ROR2: variants seen among roughly 807,000 people sequenced by gnomAD.
ROR2 encodes ROR family WNT receptor 2.
In ROR2, 33 loss-of-function variants were observed where a neutral mutation model predicts 74.9. The observed-to-expected ratio is 0.44, with a 90% CI of 0.33 to 0.59. The LOEUF is 0.59. ROR2 is among the 20% of genes least tolerant of loss of function. ROR2 has a pLI of 0.02. For synonymous variants in ROR2, 586 were observed against 558.7 expected (o/e 1.05, Z -0.69); for missense variants, 1,216 against 1,313.8 (o/e 0.93, Z 1.15).
intron 2 of ROR2, among the ~76,000 whole-genome samples, chr9:91,764,452 T>G (rs1826001132): frequency 6.6e-6 from 1 of 152,134 alleles, no homozygotes; most frequent in Non-Finnish European, 1.5e-5. Context: ...TCTGCTTATT[T>G]GAAAGTTATA....
At chr9:91,936,947 G>A (rs1831712251) in intron 1 of ROR2, among the ~76,000 whole-genome samples, 2 of 146,478 alleles carry the variant, frequency 1.4e-5, no homozygotes, top group Non-Finnish European at 3.0e-5. Context: ...GGGGAATGGC[G>A]TGAACCCGGG....
At chr9:91,839,731 G>T (rs1273312563) in intron 1 of ROR2, among the ~76,000 whole-genome samples, 1 of 151,742 alleles carries the variant, frequency 6.6e-6, no homozygotes, top group Non-Finnish European at 1.5e-5. Flanking sequence ...TGTGTGGTGT[G>T]TGTGGTATGT....
At chr9:91,882,987 A>C (rs886421903) in intron 1 of ROR2, among the ~76,000 whole-genome samples, 9 of 152,192 alleles carry the variant, frequency 5.9e-5, no homozygotes, top group Non-Finnish European at 1.3e-4. Flanking sequence ...CTACAGGTTG[A>C]ATATTTCTAA....
intron 1 of ROR2, among the ~76,000 whole-genome samples, chr9:91,819,385 C>T (rs1462354272): frequency 1.3e-5 from 2 of 152,246 alleles, no homozygotes; most frequent in South Asian, 2.1e-4. Flanking sequence ...ATGTCTGTGA[C>T]GATGCACGTG....
chr9:91,805,178 C>A (rs1322889379), intron 1 of ROR2, among the ~76,000 whole-genome samples: 1 of 152,212 alleles, frequency 6.6e-6, no homozygotes, highest in Non-Finnish European at 1.5e-5. Flanking sequence ...CATGCAGAAG[C>A]CTCTGGTGCC....
rs538540562 is a variant in ROR2 at position 91,911,398 on chromosome 9, CTG to C, written c.97+38467_97+38468del. On this transcript the variant is annotated intron_variant, in intron 1 of 8. Coordinates refer to ENST00000375708, the MANE Select transcript of ROR2 (RefSeq NM_004560.4). ...ACTGAATACTGTAGGCATTGCAACA[CTG>C]TGTATCTGTGTATCTAAACATCTAA... Among the ~76,000 whole-genome samples the C allele has an allele frequency of 7.9e-5, 12 of 152,316 alleles. No homozygotes were observed. The South Asian group carries it at 2.5e-3, about 32-fold the overall frequency.
At chr9:91,747,590 G>C (rs1825464945) in intron 4 of ROR2, among the ~76,000 whole-genome samples, 2 of 152,244 alleles carry the variant, frequency 1.3e-5, no homozygotes, top group South Asian at 4.1e-4. Context: ...GCGAACTGTT[G>C]TGCATTTTCT....
At chr9:91,927,562 C>CTTGTTTTTTTTTTTTTTT (rs1831440398) in intron 1 of ROR2, among the ~76,000 whole-genome samples, 1 of 94,944 alleles carries the variant, frequency 1.1e-5, no homozygotes, top group Non-Finnish European at 2.0e-5. Flanking sequence ...TTTCTAGATT[C>CTTGTTTTTTTTTTTTTTT]TTTTTTTTTT....
intron 1 of ROR2, among the ~76,000 whole-genome samples, chr9:91,932,651 G>A (rs1406607055): frequency 4.0e-5 from 6 of 150,178 alleles, no homozygotes; most frequent in African/African-American, 7.3e-5. Context: ...GCAACTGAGC[G>A]AGACTGTCTC....
chr9:91,782,325 C>G (rs2118964548), intron 1 of ROR2, among the ~76,000 whole-genome samples: 1 of 152,100 alleles, frequency 6.6e-6, no homozygotes, highest in South Asian at 2.1e-4. Flanking sequence ...TTAGTTACTC[C>G]CATGCATACA....
At chr9:91,871,741 C>T (rs1040575860) in intron 1 of ROR2, among the ~76,000 whole-genome samples, 1 of 152,196 alleles carries the variant, frequency 6.6e-6, no homozygotes, top group Non-Finnish European at 1.5e-5. Context: ...GCCCTTAACA[C>T]ACTCCCTCTT....
At chr9:91,829,592 G>C (rs1828399715) in intron 1 of ROR2, among the ~76,000 whole-genome samples, 1 of 141,328 alleles carries the variant, frequency 7.1e-6, no homozygotes, top group South Asian at 2.2e-4. Flanking sequence ...CTCAAAGAAG[G>C]CTGTGAGCTC....
intron 1 of ROR2, among the ~76,000 whole-genome samples, chr9:91,820,938 C>T (rs1249451390): frequency 1.3e-5 from 2 of 152,140 alleles, no homozygotes; most frequent in Non-Finnish European, 2.9e-5. Context: ...CCCGTCTCTA[C>T]TAAAAATAAA....
chr9:91,797,092 T>C (rs1587727426), intron 1 of ROR2, among the ~76,000 whole-genome samples: 1 of 57,544 alleles, frequency 1.7e-5, no homozygotes, highest in South Asian at 1.2e-3. Flanking sequence ...GATCTGTGGA[T>C]AGGGCTGACA....
chr9:91,787,808 GA>G (rs112745120), intron 1 of ROR2, among the ~76,000 whole-genome samples: 4,313 of 152,144 alleles, frequency 0.028, 126 homozygotes, highest in East Asian at 0.16. Flanking sequence ...GAATGGGGGG[GA>G]GAAAGTGGCC....
intron 4 of ROR2, among the ~76,000 whole-genome samples, chr9:91,751,663 T>G (rs1825598625): frequency 6.6e-6 from 1 of 152,198 alleles, no homozygotes. Context: ...CTGGTACTCA[T>G]GTGGATAAAA....
chr9:91,860,409 A>T (rs1212034365), intron 1 of ROR2, among the ~76,000 whole-genome samples: 1 of 152,198 alleles, frequency 6.6e-6, no homozygotes, highest in East Asian at 1.9e-4. Context: ...GAGCAAGCAC[A>T]TGCCAACGGA....
At chr9:91,823,804 G>C (rs772407237) in intron 1 of ROR2, among the ~76,000 whole-genome samples, 21 of 152,232 alleles carry the variant, frequency 1.4e-4, no homozygotes, top group Non-Finnish European at 2.6e-4. Flanking sequence ...GAATAAACAG[G>C]ATTACATTTA....
At chr9:91,882,597 T>C (rs1337328454) in intron 1 of ROR2, among the ~76,000 whole-genome samples, 32 of 152,200 alleles carry the variant, frequency 2.1e-4, no homozygotes, top group Admixed American at 2.0e-3. Context: ...TGGATTGTTA[T>C]GAACTGAATT....
Sources: gnomAD v4.1 joint callset for allele counts (sites outside exome capture counted in the v4.1 genomes callset) on GRCh38, gnomAD v4.1.1 for gene constraint, MANE v1.5 for transcripts, NCBI Gene and HGNC (gene_info 2026-07-23, HGNC 2026-07-21) for gene names.